Variants in GRIP1 observed in about 807,000 individuals in gnomAD.
GRIP1 encodes glutamate receptor-interacting protein 1.
In GRIP1, 45 loss-of-function variants were observed where a neutral mutation model predicts 129.9. The observed-to-expected ratio is 0.35, with a 90% CI of 0.27 to 0.44. The LOEUF is 0.44. Ranked by LOEUF, GRIP1 falls within the 20% of genes least tolerant of loss-of-function variation. The pLI, the probability that GRIP1 is intolerant of heterozygous loss-of-function variation, is 1.00. For synonymous variants in GRIP1, 530 were observed against 520.8 expected, an observed-to-expected ratio of 1.02 and a Z score of -0.24; for missense variants, 1,196 against 1,396.8, an observed-to-expected ratio of 0.86 and a Z score of 2.29.
rs562948869 is a variant in GRIP1 at position 67,029,553 on chromosome 12, T to C, written c.58+39497A>G. ...ATGACTGTGCTATTGCCCTCTAGCC[T>C]AGGCAACAGAGCAAGACCCTGACTC... On this transcript the variant is annotated intron_variant, in intron 1 of 1. Coordinates refer to the GRIP1 transcript ENST00000643019. Among the ~76,000 whole-genome samples, 11 of 124,734 alleles carry C rather than the reference T, an allele frequency of 8.8e-5. No individual in the cohort carries two copies. The East Asian group carries it at 2.1e-3, about 24-fold the overall frequency. The allele number at this position is 124,734 out of a possible 152,430, so 81.8% of individuals were successfully genotyped here. A position where few individuals can be genotyped will look rare whatever the true frequency, so the allele number is the denominator to read the frequency against.
At chr12:67,030,016 T>A (rs1218022654) in intron 1 of GRIP1, among the ~76,000 whole-genome samples, 1 of 143,138 alleles carries the variant, frequency 7.0e-6, no homozygotes, top group East Asian at 2.0e-4. Flanking sequence ...CTGGATAACA[T>A]GATGAAACCC....
intron 7 of GRIP1, among the ~76,000 whole-genome samples, chr12:66,514,566 A>G (rs1010537421): frequency 6.6e-6 from 1 of 152,054 alleles, no homozygotes; most frequent in African/African-American, 2.4e-5. Context: ...TGGAGAGAAG[A>G]AAGGAGAGAG....
At chr12:66,674,150 T>C (rs984997515) in intron 1 of GRIP1, among the ~76,000 whole-genome samples, 2 of 151,898 alleles carry the variant, frequency 1.3e-5, no homozygotes, top group African/African-American at 4.8e-5. Context: ...AGAAATGAGG[T>C]CCAGCACAGA....
intron 1 of GRIP1, among the ~76,000 whole-genome samples, chr12:66,913,669 A>T (rs372782478): frequency 2.6e-5 from 4 of 152,296 alleles, no homozygotes; most frequent in African/African-American, 9.6e-5. Flanking sequence ...TAATAATGTG[A>T]CAACATAATC....
chr12:66,350,086 C>G (rs1313192772), intron 24 of GRIP1, among the ~76,000 whole-genome samples: 1 of 152,090 alleles, frequency 6.6e-6, no homozygotes, highest in Non-Finnish European at 1.5e-5. Context: ...CGTGACACCT[C>G]CTCACCCTTA....
chr12:66,443,147 T>A (rs1002176415), intron 13 of GRIP1, among the ~76,000 whole-genome samples: 51 of 152,230 alleles, frequency 3.4e-4, no homozygotes, highest in African/African-American at 1.2e-3. Flanking sequence ...TGTTAGCTAC[T>A]GATCAGGACT....
chr12:66,495,847 G>T (rs1355100943), intron 7 of GRIP1, among the ~76,000 whole-genome samples: 1 of 152,196 alleles, frequency 6.6e-6, no homozygotes, highest in Non-Finnish European at 1.5e-5. Flanking sequence ...AGAGGTCCCA[G>T]AGTTACACAA....
intron 16 of GRIP1, among the ~76,000 whole-genome samples, chr12:66,397,083 C>G (rs2056817588): frequency 8.3e-6 from 1 of 120,490 alleles, no homozygotes; most frequent in African/African-American, 3.1e-5. Flanking sequence ...TGCTCTCCAG[C>G]CTGGGCGATG....
intron 22 of GRIP1, among the ~76,000 whole-genome samples, chr12:66,376,655 C>T (rs551327061): frequency 6.6e-6 from 1 of 152,342 alleles, no homozygotes; most frequent in East Asian, 1.9e-4. Flanking sequence ...GCTGCATTGT[C>T]ATCTACTTTA....
chr12:66,962,044 C>T (rs1235518847), intron 1 of GRIP1, among the ~76,000 whole-genome samples: 3 of 151,954 alleles, frequency 2.0e-5, no homozygotes, highest in African/African-American at 4.8e-5. Flanking sequence ...GAGAGCCTAC[C>T]CTTGAATTCA....
At chr12:67,030,566 T>G (rs2043007982) in intron 1 of GRIP1, among the ~76,000 whole-genome samples, 1 of 152,214 alleles carries the variant, frequency 6.6e-6, no homozygotes, top group African/African-American at 2.4e-5. Context: ...CATAAAAATC[T>G]GTTCCACTAT....
chr12:67,062,349 C>A (rs2043550683), intron 1 of GRIP1, among the ~76,000 whole-genome samples: 1 of 152,210 alleles, frequency 6.6e-6, no homozygotes, highest in South Asian at 2.1e-4. Context: ...ACTCCATCCC[C>A]TTTAAGAAAC....
intron 1 of GRIP1, among the ~76,000 whole-genome samples, chr12:66,880,792 A>G (rs2040464534): frequency 6.6e-6 from 1 of 152,076 alleles, no homozygotes; most frequent in Admixed American, 6.6e-5. Context: ...TGATTAACCG[A>G]CCTGTACATT....
chr12:66,472,973 G>C (rs1006045480), intron 7 of GRIP1, among the ~76,000 whole-genome samples: 5 of 152,148 alleles, frequency 3.3e-5, no homozygotes, highest in African/African-American at 1.2e-4. Flanking sequence ...GCCAGTGAGA[G>C]AGAACCATTC....
chr12:66,854,864 T>C (rs1439623316), intron 1 of GRIP1, among the ~76,000 whole-genome samples: 2 of 152,024 alleles, frequency 1.3e-5, no homozygotes, highest in Admixed American at 6.6e-5. Context: ...CACACTACCC[T>C]ATACAGCAAA....
chr12:66,503,990 A>G (rs143772557), intron 7 of GRIP1, among the ~76,000 whole-genome samples: 5,687 of 152,280 alleles, frequency 0.037, 176 homozygotes, highest in Non-Finnish European at 0.056. Context: ...GTCATTGTGT[A>G]GAGCGGGAAT....
chr12:66,707,063 T>G (rs2035555598), intron 1 of GRIP1, among the ~76,000 whole-genome samples: 1 of 151,932 alleles, frequency 6.6e-6, no homozygotes, highest in Non-Finnish European at 1.5e-5. Flanking sequence ...TATTTAAGAT[T>G]TTTAAAAAAT....
intron 1 of GRIP1, among the ~76,000 whole-genome samples, chr12:66,652,447 C>T (rs1016505729): frequency 6.6e-6 from 1 of 152,176 alleles, no homozygotes; most frequent in Non-Finnish European, 1.5e-5. Context: ...GTCAATTAAA[C>T]CTCTTTCCTT....
At chr12:66,633,173 C>T (rs891257882) in intron 1 of GRIP1, among the ~76,000 whole-genome samples, 11 of 149,258 alleles carry the variant, frequency 7.4e-5, no homozygotes, top group South Asian at 2.1e-4. Context: ...CCGCTATGCC[C>T]GGCTAATTTT....
Sources: allele counts gnomAD v4.1 joint callset (sites outside exome capture counted in the v4.1 genomes callset), GRCh38; gene constraint gnomAD v4.1.1; transcripts MANE v1.5; gene names NCBI Gene and HGNC (gene_info 2026-07-23, HGNC 2026-07-21).